PCDHA2: variants seen among roughly 807,000 people sequenced by gnomAD.
PCDHA2 encodes the protein protocadherin alpha-2.
Under a neutral mutation model 66.0 loss-of-function variants are expected in PCDHA2, and 58 were observed. The observed-to-expected ratio is 0.88, with a 90% CI of 0.71 to 1.09. The LOEUF is 1.09. Among genes scored for constraint, PCDHA2 ranks in the 50% least tolerant of loss-of-function variants. The pLI is 0.00. For missense variants in PCDHA2, 1,267 were observed against 1,242.3 expected (o/e 1.02, Z -0.30); for synonymous variants, 634 against 554.0 (o/e 1.14, Z -2.03).
chr5:140,826,566 G>A (rs1423403318), intron 1 of PCDHA2, among the ~76,000 whole-genome samples: 2 of 152,130 alleles, frequency 1.3e-5, no homozygotes, highest in Non-Finnish European at 2.9e-5. Context: ...TGAAGGAGGG[G>A]TTTAATCACT....
chr5:140,811,783 C>T (rs1419535185), intron 1 of PCDHA2: 1 of 152,180 alleles, frequency 6.6e-6, no homozygotes, highest in Non-Finnish European at 1.5e-5. Context: ...TGTCTGTTGG[C>T]TGCATAAATG....
chr5:140,994,249 G>A (rs17119346), intron 3 of PCDHA2, among the ~76,000 whole-genome samples: 45,238 of 152,008 alleles, frequency 0.3, 6,962 homozygotes, highest in East Asian at 0.43. Flanking sequence ...CAAACCCTAG[G>A]TAAATAAGGT....
At position 140,797,522 on chromosome 5, in the gene PCDHA2, A is replaced by G. The variant is rs73791787; in HGVS notation, c.2388+170A>G. On this transcript the variant is annotated intron_variant, in intron 1 of 3. Transcript: ENST00000526136. ...ATTTATTGCATTTACTGAACAATTT[A>G]TTTAAACAATCTACATAACTGTTTT... 1,379 of 814,858 alleles carry G rather than the reference A, an allele frequency of 1.7e-3. 9 individuals carry two copies. In the African/African-American group the frequency reaches 0.022, roughly 13 times the overall value. 50.5% of individuals were successfully genotyped at this position (814,858 alleles called of 1,614,324 possible). A position where few individuals can be genotyped will look rare whatever the true frequency, so the allele number is the denominator to read the frequency against.
At chr5:140,876,775 C>A (rs373638459) in intron 1 of PCDHA2, 3 of 1,614,130 alleles carry the variant, frequency 1.9e-6, no homozygotes, top group Non-Finnish European at 1.7e-6. Flanking sequence ...CTCGCCTTCG[C>A]TGTGGGCCAC....
intron 1 of PCDHA2, chr5:140,871,353 G>T: frequency 6.2e-7 from 1 of 1,614,214 alleles, no homozygotes; most frequent in Non-Finnish European, 8.5e-7. Flanking sequence ...GGTCATACTC[G>T]CAGCAGAGGC....
chr5:140,951,046 TA>T (rs1414168325), intron 1 of PCDHA2, among the ~76,000 whole-genome samples: 1 of 152,138 alleles, frequency 6.6e-6, no homozygotes, highest in Non-Finnish European at 1.5e-5. Context: ...ATTATATTTT[TA>T]TTGCTAAAAT....
chr5:140,882,330 T>C (rs1554173536), intron 1 of PCDHA2: 26 of 1,614,056 alleles, frequency 1.6e-5, no homozygotes, highest in Non-Finnish European at 2.1e-5. Context: ...CTTCTGATCC[T>C]CGCAGCCTGG....
At position 141,009,998 on chromosome 5, in the gene PCDHA2, T is replaced by C. The variant is rs1046818514; in HGVS notation, c.*61T>C. 6 of 1,575,876 alleles carry C rather than the reference T, an allele frequency of 3.8e-6. No individual in the cohort carries two copies. The African/African-American group carries it at 5.5e-5, about 14-fold the overall frequency. ...TTGTAATAATGGCAAATCTCTCCCA[T>C]GTAGCAATTCCCTGCTCCTTTTTCC... is the stretch of plus-strand genomic sequence containing the variant. On this transcript the variant is annotated 3_prime_UTR_variant, in exon 4 of 4. Transcript: ENST00000526136.
At chr5:140,903,609 A>G (rs565435427) in intron 1 of PCDHA2, among the ~76,000 whole-genome samples, 2 of 152,360 alleles carry the variant, frequency 1.3e-5, no homozygotes, top group Admixed American at 6.5e-5. Flanking sequence ...CTTAATACAC[A>G]TGAATGTGCA....
At chr5:140,964,866 C>A (rs2095858965) in intron 1 of PCDHA2, among the ~76,000 whole-genome samples, 1 of 152,132 alleles carries the variant, frequency 6.6e-6, no homozygotes, top group Non-Finnish European at 1.5e-5. Flanking sequence ...ACAAAGAGGA[C>A]AAATAAGAAG....
chr5:140,803,529 C>G (rs781877015), intron 1 of PCDHA2: 1 of 1,614,216 alleles, frequency 6.2e-7, no homozygotes, highest in Non-Finnish European at 8.5e-7. Context: ...TAGCCTTCCT[C>G]CTTGTCCAAT....
At chr5:140,893,780 C>G (rs966071281) in intron 1 of PCDHA2, among the ~76,000 whole-genome samples, 1 of 151,980 alleles carries the variant, frequency 6.6e-6, no homozygotes. Flanking sequence ...TTTCTTTTAC[C>G]GTTTTTAGAA....
chr5:140,963,538 C>T (rs1450528022), intron 1 of PCDHA2, among the ~76,000 whole-genome samples: 2 of 152,188 alleles, frequency 1.3e-5, no homozygotes, highest in Non-Finnish European at 2.9e-5. Flanking sequence ...CCATTTACTT[C>T]ATGATATAAA....
At chr5:140,902,953 C>T (rs549407032) in intron 1 of PCDHA2, among the ~76,000 whole-genome samples, 24 of 152,278 alleles carry the variant, frequency 1.6e-4, no homozygotes, top group East Asian at 1.3e-3. Flanking sequence ...TCTTTATCCA[C>T]TTGTTGGCTG....
At chr5:140,862,433 G>A (rs781821294) in intron 1 of PCDHA2, 31 of 354,884 alleles carry the variant, frequency 8.7e-5, no homozygotes, top group Admixed American at 2.6e-4. Context: ...GAAACTATTC[G>A]TTGGTACTCC....
At chr5:140,916,832 G>A (rs1286597127) in intron 1 of PCDHA2, among the ~76,000 whole-genome samples, 3 of 152,104 alleles carry the variant, frequency 2.0e-5, no homozygotes, top group East Asian at 1.9e-4. Context: ...TATCCCTCTG[G>A]TTCTGAGCCC....
chr5:140,917,329 G>GC (rs1563018868), intron 1 of PCDHA2, among the ~76,000 whole-genome samples: 1 of 143,930 alleles, frequency 6.9e-6, no homozygotes, highest in Non-Finnish European at 1.5e-5. Flanking sequence ...TGTGGCGGGG[G>GC]AGGGGGGGGA....
intron 1 of PCDHA2, chr5:140,824,349 T>C (rs1288937834): frequency 3.4e-6 from 2 of 588,082 alleles, no homozygotes; most frequent in Admixed American, 3.5e-5. Flanking sequence ...TTTAAAATAA[T>C]ATTTTATATT....
intron 1 of PCDHA2, among the ~76,000 whole-genome samples, chr5:140,832,518 C>T (rs1455279250): frequency 6.6e-6 from 1 of 152,190 alleles, no homozygotes; most frequent in African/African-American, 2.4e-5. Flanking sequence ...TCTGATTATA[C>T]TGAAGATCAC....
Sources: allele counts gnomAD v4.1 joint callset (sites outside exome capture counted in the v4.1 genomes callset), GRCh38; gene constraint gnomAD v4.1.1; transcripts MANE v1.5; gene names NCBI Gene and HGNC (gene_info 2026-07-23, HGNC 2026-07-21).